The following HIPK1 variants were observed in gnomAD, a reference collection of about 807,000 sequenced individuals.
The protein encoded by HIPK1 is homeodomain-interacting protein kinase 1.
Under a neutral mutation model 117.1 loss-of-function variants are expected in HIPK1, and 28 were observed. The ratio of observed to expected loss-of-function variants is 0.24; its 90% CI spans 0.18 to 0.33. The LOEUF (loss-of-function observed/expected upper bound fraction) is 0.33, where lower values mean the gene tolerates loss of function less well. Ranked by LOEUF, HIPK1 falls within the 10% of genes least tolerant of loss-of-function variation. The pLI is 1.00. For missense variants in HIPK1, 1,122 were observed against 1,475.1 expected, an observed-to-expected ratio of 0.76 and a Z score of 3.92; for synonymous variants, 605 against 562.5, an observed-to-expected ratio of 1.08 and a Z score of -1.07.
chr1:113,940,220 A>G (rs1670558479), intron 1 of HIPK1, among the ~76,000 whole-genome samples, 162 bp from the exon 2 acceptor site: 2 of 152,326 alleles, frequency 1.3e-5, no homozygotes, highest in Middle Eastern at 3.4e-3. Context: ...CACTGTTTCT[A>G]TGAATATAGG....
At position 113,962,253 on chromosome 1, in the gene HIPK1, A is replaced by C. The variant is rs540670610; in HGVS notation, c.1982-64A>C. 3.8e-5 allele frequency: 58 copies of C among 1,537,314 alleles called. No individual in the cohort carries two copies. The African/African-American group carries it at 7.3e-4, about 19-fold the overall frequency. ...TTTGAACAGAGAAGCTGAAAACAAA[A>C]TAATCTTAAAACAGTACTCCCAGAC... On this transcript the variant is annotated intron_variant, in intron 8 of 15. Transcript: ENST00000426820.
At chr1:113,939,148 A>G (rs1180888230) in intron 1 of HIPK1, among the ~76,000 whole-genome samples, 1 of 151,776 alleles carries the variant, frequency 6.6e-6, no homozygotes, top group African/African-American at 2.4e-5. Context: ...GGAAACAGAC[A>G]TCCCTAATTT....
intron 1 of HIPK1, among the ~76,000 whole-genome samples, chr1:113,935,537 A>G (rs914453667): frequency 6.6e-6 from 1 of 152,202 alleles, no homozygotes; most frequent in Non-Finnish European, 1.5e-5. Context: ...TTGGGTATTT[A>G]CCCAGTGATG....
At chr1:113,969,203 A>C (rs999446440) in intron 13 of HIPK1, among the ~76,000 whole-genome samples, 1 of 152,220 alleles carries the variant, frequency 6.6e-6, no homozygotes, top group African/African-American at 2.4e-5. Flanking sequence ...AATGAAGTTT[A>C]AGTGAACTTG....
Position 113,973,083 on chromosome 1 carries a change from C to T in HIPK1, c.3204C>T (p.Arg1068=). The T allele has an allele frequency of 6.5e-7, 1 of 1,535,626 alleles. No homozygotes were observed. Among genetic ancestry groups the T allele is most frequent in the Non-Finnish European group, 8.8e-7 (1 of 1,141,224 alleles). ...SQERSSNPAP[R]RQQAFVAPLS... ...AGAGAAGCAGCAACCCAGCCCCCCG[C>T]AGGCAGCAGGCGTTTGTGGCCCCTC... The change falls in exon 16 of 16, where the codon CGC becomes CGT. Residue 1068 remains arginine (R), a synonymous_variant. Coordinates refer to ENST00000426820, the MANE Select transcript of HIPK1 (RefSeq NM_198268.3).
intron 1 of HIPK1, among the ~76,000 whole-genome samples, chr1:113,937,530 G>A (rs1026770281): frequency 2.0e-5 from 3 of 152,040 alleles, no homozygotes; most frequent in African/African-American, 7.2e-5. Flanking sequence ...GTAGGGAGTT[G>A]TATTTAATAG....
intron 3 of HIPK1, chr1:113,953,779 A>G (rs1287986630): frequency 6.6e-6 from 1 of 152,208 alleles, no homozygotes; most frequent in Admixed American, 6.5e-5. Flanking sequence ...TCAGCCTCCC[A>G]AAGTGTTGGG....
rs927565334 is a variant in HIPK1 at position 113,952,821 on chromosome 1, C to T, written c.1132C>T (p.Leu378=). ...TTGTGAAGCTATTGATATGTGGTCA[C>T]TGGGCTGTGTGATAGCTGAGCTGTT... The part of the protein sequence containing the change: ...PFCEAIDMWS[L]GCVIAELFLG... The change falls in exon 3 of 16, where the codon CTG becomes TTG. Residue 378 remains leucine (L), a synonymous_variant. Coordinates refer to ENST00000426820, the MANE Select transcript of HIPK1 (RefSeq NM_198268.3). 1.6e-5 allele frequency: 25 copies of T among 1,549,696 alleles called. No homozygotes were observed. The highest frequency in any genetic ancestry group is 2.8e-5 in the African/African-American group (2 of 71,890).
intron 2 of HIPK1, among the ~76,000 whole-genome samples, chr1:113,944,137 G>A (rs371575569): frequency 5.8e-5 from 2 of 34,404 alleles, no homozygotes; most frequent in African/African-American, 2.1e-4. Context: ...GCCTTGTTTT[G>A]TTTTTTAAAT....
chr1:113,931,392 C>A (rs763130658), intron 1 of HIPK1, among the ~76,000 whole-genome samples: 10 of 152,026 alleles, frequency 6.6e-5, no homozygotes, highest in Non-Finnish European at 1.3e-4. Flanking sequence ...AGATACTGTT[C>A]CTGGCTTGAA....
intron 1 of HIPK1, among the ~76,000 whole-genome samples, chr1:113,935,327 C>T (rs1670185387): frequency 6.6e-6 from 1 of 152,218 alleles, no homozygotes; most frequent in Non-Finnish European, 1.5e-5. Flanking sequence ...CCTCCAGCTT[C>T]ATCCATGTTG....
chr1:113,936,969 G>C (rs1355778717), intron 1 of HIPK1, among the ~76,000 whole-genome samples: 1 of 152,134 alleles, frequency 6.6e-6, no homozygotes, highest in Non-Finnish European at 1.5e-5. Flanking sequence ...TTGTTCAACA[G>C]GTTGGCTTAA....
intron 2 of HIPK1, chr1:113,951,092 G>A (rs1245768130): frequency 3.3e-6 from 1 of 306,646 alleles, no homozygotes; most frequent in Non-Finnish European, 4.8e-6. Flanking sequence ...TAGGATTGTT[G>A]TAAGGATTAA....
chr1:113,938,021 A>G (rs1296527040), intron 1 of HIPK1, among the ~76,000 whole-genome samples: 2 of 151,946 alleles, frequency 1.3e-5, no homozygotes, highest in African/African-American at 4.8e-5. Flanking sequence ...CTAGAGTGCA[A>G]TGGAGTAATC....
At chr1:113,972,978 G>A in intron 15 of HIPK1, 46 bp from the exon 16 acceptor site, 1 of 1,508,112 alleles carries the variant, frequency 6.6e-7, no homozygotes, top group African/African-American at 1.4e-5. Flanking sequence ...GGTGCCCTGA[G>A]CTGGAGTGAC....
chr1:113,947,687 G>A (rs183354226), intron 2 of HIPK1, among the ~76,000 whole-genome samples: 5 of 152,354 alleles, frequency 3.3e-5, no homozygotes, highest in African/African-American at 9.6e-5. Flanking sequence ...AAAGAAGTTT[G>A]AAGTTGGGGA....
At chr1:113,943,262 C>CT (rs1202305867) in intron 2 of HIPK1, among the ~76,000 whole-genome samples, 3 of 152,188 alleles carry the variant, frequency 2.0e-5, no homozygotes, top group African/African-American at 7.2e-5. Flanking sequence ...AACAGAAATT[C>CT]TAACCATTAA....
rs747808047 is a variant in HIPK1 at position 113,955,618 on chromosome 1, A to T, written c.1376A>T (p.Tyr459Phe). 6.2e-7 allele frequency: 1 copy of T among 1,606,730 alleles called. No individual in the cohort carries two copies. The highest frequency in any genetic ancestry group is 8.5e-7 in the Non-Finnish European group (1 of 1,173,606). Residue 459 changes from tyrosine (Y) to phenylalanine (F), a missense_variant, in exon 5 of 16, where the codon TAC becomes TTC. Around this residue, in one of 6 missense-constraint regions of HIPK1, gnomAD observed 127 missense variants for 197.9 expected, o/e 0.64. Transcript: ENST00000426820. The part of the protein sequence containing the change: ...TGIKSKEARK[Y>F]IFNCLDDMAQ... Reference sequence around the variant, plus strand: ...ATAAAATCAAAAGAAGCTCGGAAGTACATTTTTAATTGCTTAGATGACATG... The same window carrying T: ...ATAAAATCAAAAGAAGCTCGGAAGTTCATTTTTAATTGCTTAGATGACATG...
At position 113,963,478 on chromosome 1, in the gene HIPK1, C is replaced by T; in HGVS notation, c.2195C>T (p.Ala732Val). 1 of 1,614,244 alleles carries T rather than the reference C, an allele frequency of 6.2e-7. No homozygotes were observed. The highest frequency in any genetic ancestry group is 8.5e-7 in the Non-Finnish European group (1 of 1,180,042). Residue 732 changes from alanine (A) to valine (V), a missense_variant, in exon 10 of 16, where the codon GCA becomes GTA. Coordinates refer to ENST00000426820, the MANE Select transcript of HIPK1 (RefSeq NM_198268.3). ...GCGGTGCCCTTTACTCTGAGCTGCG[C>T]AGCCGGCCGGCCGGCGCTGGTTGAA... ...QYAVPFTLSC[A>V]AGRPALVEQT...
Sources: gnomAD v4.1 joint callset for allele counts (sites outside exome capture counted in the v4.1 genomes callset) on GRCh38, gnomAD v4.1.1 for gene constraint, gnomAD v4.1.1 regional missense constraint, MANE v1.5 for transcripts, NCBI Gene and HGNC (gene_info 2026-07-23, HGNC 2026-07-21) for gene names.